The following CAMKK2 variants were observed in gnomAD, a reference collection of about 807,000 sequenced individuals.
CAMKK2 encodes the protein calcium/calmodulin-dependent protein kinase kinase 2.
CAMKK2 carries 30 observed loss-of-function variants against 67.2 expected under a neutral mutation model. That is an observed-to-expected ratio of 0.45 (90% CI 0.33 to 0.61). The LOEUF is 0.61. Ranked by LOEUF, CAMKK2 falls within the 20% of genes least tolerant of loss-of-function variation. CAMKK2 has a pLI of 0.02. For synonymous variants in CAMKK2, 322 were observed against 326.2 expected (o/e 0.99, Z 0.14); for missense variants, 643 against 802.0 (o/e 0.80, Z 2.39).
At chr12:121,280,177 A>G (rs1897507729) in intron 1 of CAMKK2, among the ~76,000 whole-genome samples, 1 of 152,234 alleles carries the variant, frequency 6.6e-6, no homozygotes, top group Admixed American at 6.5e-5. Context: ...GCAGAAGAAC[A>G]TGGATTGTGA....
At chr12:121,296,946 C>A (rs1191983289), upstream of CAMKK2, among the ~76,000 whole-genome samples, 18 of 151,756 alleles carry the variant, frequency 1.2e-4, no homozygotes, top group Non-Finnish European at 2.4e-4. The surrounding 1 kb of genome is among the most constrained non-coding windows in gnomAD (Gnocchi z 7.1). Context: ...CCTGCAAAGA[C>A]GAAAGTAGCG....
At position 121,240,938 on chromosome 12, in the gene CAMKK2, C is replaced by T. The variant is rs1691295252; in HGVS notation, c.1597-69G>A. ...CCAGCGAGGCCCTGAGCCAGCTGCT[C>T]CCACATCTGGGCCCCCTGCCCAAGT... On this transcript the variant is annotated intron_variant, in intron 16 of 16. Coordinates refer to ENST00000404169, the MANE Select transcript of CAMKK2 (RefSeq NM_001270485.2). This position sits in a 1 kb window ranked among gnomAD's most constrained non-coding sequence, Gnocchi z 4.4. 4 of 1,539,766 alleles carry T rather than the reference C, an allele frequency of 2.6e-6. No individual in the cohort carries two copies. Among genetic ancestry groups the T allele is most frequent in the Admixed American group, 3.6e-5 (2 of 56,108 alleles).
chr12:121,265,768 G>A (rs1894403675), intron 5 of CAMKK2, among the ~76,000 whole-genome samples: 1 of 151,628 alleles, frequency 6.6e-6, no homozygotes, highest in Non-Finnish European at 1.5e-5. Flanking sequence ...TGAGGCAGGA[G>A]AATTGCCTGA....
rs372734226 is a variant in CAMKK2 at position 121,281,048 on chromosome 12, T to G, written c.-59-6463A>C. On this transcript the variant is annotated intron_variant, in intron 1 of 16. Coordinates refer to ENST00000404169, the MANE Select transcript of CAMKK2 (RefSeq NM_001270485.2). ...AAAACTTGCTGGTTTTTGTGGCTTG[T>G]GGGGCATCACGGAACCTACCGACAT... Among the ~76,000 whole-genome samples, 711 of 152,360 alleles carry G rather than the reference T, an allele frequency of 4.7e-3. 5 individuals carry two copies. Among genetic ancestry groups the G allele is most frequent in the African/African-American group, 0.016 (658 of 41,578 alleles).
chr12:121,273,754 G>A (rs1052491582), intron 2 of CAMKK2, among the ~76,000 whole-genome samples: 3 of 152,082 alleles, frequency 2.0e-5, no homozygotes, highest in African/African-American at 7.2e-5. Flanking sequence ...TGAGGCTGCT[G>A]CTCTGTGCTG....
intron 3 of CAMKK2, among the ~76,000 whole-genome samples, chr12:121,270,365 G>T (rs1209993283): frequency 7.1e-6 from 1 of 140,192 alleles, no homozygotes; most frequent in Admixed American, 7.0e-5. Context: ...GCAACACCCT[G>T]TCTAAAAAAA....
rs760434064 is a variant in CAMKK2, at chr12:121,268,680, C to T, written c.583G>A (p.Val195Met). Residue 195 changes from valine to methionine, a missense_variant, in exon 5 of 17, where the codon GTG becomes ATG. This residue lies in a region of CAMKK2 where 483 missense variants were observed against 625.8 expected (regional missense o/e 0.77). Coordinates refer to ENST00000404169, the MANE Select transcript of CAMKK2 (RefSeq NM_001270485.2). ...CGGATCAGCTTCTTTTTGGACAGCACCTTCATTGCCTGCAGGAAAATGAAG... is the reference window on the plus strand; with the variant it reads ...CGGATCAGCTTCTTTTTGGACAGCATCTTCATTGCCTGCAGGAAAATGAAG... Reference protein sequence around the residue: ...ENDNTYYAMKVLSKKKLIRQA... With the variant: ...ENDNTYYAMKMLSKKKLIRQA... The T allele has an allele frequency of 3.1e-6, 5 of 1,614,082 alleles. No individual in the cohort carries two copies. In the South Asian group the frequency reaches 3.3e-5, roughly 11 times the overall value.
Position 121,253,977 on chromosome 12 carries a change from G to C in CAMKK2, c.908-505C>G, listed in dbSNP as rs1323417810. On this transcript the variant is annotated intron_variant, in intron 9 of 16. Transcript: ENST00000404169. The surrounding 1 kb of genome is among the most constrained non-coding windows in gnomAD (Gnocchi z 5.0). Reference sequence around the variant, plus strand: ...CCTCCTGGCTGGATATCAGCCCATGGTACAGGACAGTTCTATGGCCTGGAA... The same window carrying C: ...CCTCCTGGCTGGATATCAGCCCATGCTACAGGACAGTTCTATGGCCTGGAA... Among the ~76,000 whole-genome samples the C allele has an allele frequency of 6.6e-6, 1 of 152,208 alleles. No homozygotes were observed. Among genetic ancestry groups the C allele is most frequent in the East Asian group, 1.9e-4 (1 of 5,198 alleles).
intron 16 of CAMKK2, chr12:121,243,872 G>A: frequency 7.3e-7 from 1 of 1,363,272 alleles, no homozygotes; most frequent in Non-Finnish European, 9.5e-7. Flanking sequence ...CTCCCACCAA[G>A]TCAGGTAGCC....
Position 121,240,591 on chromosome 12 carries a change from G to GCT in CAMKK2, c.*106_*107dup. The GCT allele has an allele frequency of 6.5e-7, 1 of 1,534,316 alleles. No individual in the cohort carries two copies. The highest frequency in any genetic ancestry group is 2.0e-5 in the Admixed American group (1 of 50,484). On this transcript the variant is annotated 3_prime_UTR_variant, in exon 17 of 17. Coordinates refer to ENST00000404169, the MANE Select transcript of CAMKK2 (RefSeq NM_001270485.2). The surrounding 1 kb of genome is among the most constrained non-coding windows in gnomAD (Gnocchi z 4.4). ...CAAATAACCAGAGATGACGATCGAG[G>GCT]CTCTACACACGTGCTGGGTTTCCGT...
chr12:121,241,884 AC>A (rs1179537318), intron 16 of CAMKK2, among the ~76,000 whole-genome samples: 9 of 152,132 alleles, frequency 5.9e-5, no homozygotes, highest in African/African-American at 2.2e-4. Flanking sequence ...CCAGTCCAAG[AC>A]CCCCAGTGCC....
At chr12:121,281,159 A>G (rs1442721545) in intron 1 of CAMKK2, among the ~76,000 whole-genome samples, 1 of 152,232 alleles carries the variant, frequency 6.6e-6, no homozygotes, top group African/African-American at 2.4e-5. Context: ...GACGCTTAGG[A>G]AAATAGAAAA....
rs60452228 is a variant in CAMKK2, at chr12:121,251,876, T to TA, written c.1161+784dup. Among the ~76,000 whole-genome samples the TA allele has an allele frequency of 9.8e-3, 1,373 of 139,934 alleles. 21 individuals are homozygous for TA. Among genetic ancestry groups the TA allele is most frequent in the African/African-American group, 0.035 (1,303 of 37,694 alleles). 91.8% of individuals were successfully genotyped at this position (139,934 alleles called of 152,430 possible). On this transcript the variant is annotated intron_variant, in intron 11 of 16. Coordinates refer to ENST00000404169, the MANE Select transcript of CAMKK2 (RefSeq NM_001270485.2). ...GAGAGAAGCCCCCAGATATCAATAA[T>TA]AACAAAATAACAACAACAGAAAAGC...
intron 9 of CAMKK2, among the ~76,000 whole-genome samples, chr12:121,255,208 A>T (rs1191965082): frequency 6.2e-4 from 17 of 27,402 alleles, no homozygotes; most frequent in African/African-American, 3.4e-3. Context: ...ATATATAATT[A>T]TATATATAAT....
chr12:121,241,928 C>T (rs1400000736), intron 16 of CAMKK2, among the ~76,000 whole-genome samples: 3 of 152,234 alleles, frequency 2.0e-5, no homozygotes, highest in Non-Finnish European at 4.4e-5. Flanking sequence ...ATGACCAAGG[C>T]ATCCTACCTG....
At chr12:121,244,439 G>A (rs769412250) in intron 16 of CAMKK2, 134 bp downstream of exon 16, 44 of 848,602 alleles carry the variant, frequency 5.2e-5, no homozygotes, top group Middle Eastern at 7.1e-4. Context: ...CTGGAGGCCC[G>A]CGGTGAGCCG....
At chr12:121,247,981 T>C (rs3794208) in intron 14 of CAMKK2, among the ~76,000 whole-genome samples, 30,011 of 152,026 alleles carry the variant, frequency 0.2, 3,497 homozygotes, top group African/African-American at 0.3. Flanking sequence ...TCTTGGTCTC[T>C]CTCTTGGAGC....
chr12:121,274,342 C>G lies in CAMKK2; in HGVS notation c.185G>C (p.Cys62Ser), dbSNP rs1019995309. ...FIVVTECEPG[C>S]AVDLGLARDR... ...CCGCGCCAAGCCGAGGTCCACAGCA[C>G]AGCCCGGCTCACACTCGGTGACCAC... The change falls in exon 2 of 17, where the codon TGT becomes TCT. Residue 62 changes from cysteine (C) to serine (S), a missense_variant. By Grantham distance (112) the Cys-to-Ser change is moderately radical. Transcript: ENST00000404169. 1.9e-6 allele frequency: 3 copies of G among 1,613,366 alleles called. No homozygotes were observed. Among genetic ancestry groups the G allele is most frequent in the Non-Finnish European group, 2.5e-6 (3 of 1,179,892 alleles).
intron 9 of CAMKK2, among the ~76,000 whole-genome samples, chr12:121,254,412 C>G (rs940344303): frequency 6.6e-6 from 1 of 151,958 alleles, no homozygotes. Context: ...GACCTGAGAT[C>G]GCGCCACTGC....
Sources: allele counts gnomAD v4.1 joint callset (sites outside exome capture counted in the v4.1 genomes callset), GRCh38; gene constraint gnomAD v4.1.1; regional missense constraint gnomAD v4.1.1; non-coding constraint Gnocchi (gnomAD v3.1); transcripts MANE v1.5; gene names NCBI Gene and HGNC (gene_info 2026-07-23, HGNC 2026-07-21).